LYRM7: variants seen among roughly 807,000 people sequenced by gnomAD.
LYRM7 encodes complex III assembly factor LYRM7.
In LYRM7, 9 loss-of-function variants were observed where a neutral mutation model predicts 15.8. The observed-to-expected ratio is 0.57, with a 90% confidence interval of 0.34 to 0.99. The LOEUF is 0.99. Among genes scored for constraint, LYRM7 ranks in the 50% least tolerant of loss-of-function variants. The probability of loss-of-function intolerance (pLI) is 0.02; values close to 1 mark genes in which losing one functional copy is unlikely to be tolerated. For synonymous variants in LYRM7, 39 were observed against 39.4 expected (o/e 0.99, Z 0.04); for missense variants, 115 against 119.1 (o/e 0.97, Z 0.16).
chr5:131,198,885 TAA>T (rs1756014331), intron 4 of LYRM7, among the ~76,000 whole-genome samples: 1 of 152,122 alleles, frequency 6.6e-6, no homozygotes, highest in South Asian at 2.1e-4. Context: ...ATTTGTATCT[TAA>T]GAGCTTTATC....
chr5:131,194,871 C>G (rs1487769705), intron 4 of LYRM7, among the ~76,000 whole-genome samples: 1 of 152,194 alleles, frequency 6.6e-6, no homozygotes, highest in Non-Finnish European at 1.5e-5. Context: ...TGTTTAATGC[C>G]TTTCCAGCTT....
chr5:131,188,927 A>G (rs1342271552), intron 4 of LYRM7, among the ~76,000 whole-genome samples: 3 of 151,962 alleles, frequency 2.0e-5, no homozygotes, highest in African/African-American at 7.3e-5. Context: ...CGGGTGGATC[A>G]CTTGAGGTCA....
At chr5:131,180,259 A>G (rs963308494) in intron 2 of LYRM7, 92 bp downstream of exon 2, 1 of 780,944 alleles carries the variant, frequency 1.3e-6, no homozygotes, top group African/African-American at 1.8e-5. Flanking sequence ...GACCCATTTT[A>G]GGGAATGACC....
At chr5:131,198,291 A>G (rs1054418618) in intron 4 of LYRM7, among the ~76,000 whole-genome samples, 2 of 152,170 alleles carry the variant, frequency 1.3e-5, no homozygotes, top group African/African-American at 4.8e-5. Context: ...ATTTGTCCTA[A>G]TAATGTATTT....
At chr5:131,184,649 G>T (rs1036986212) in intron 3 of LYRM7, among the ~76,000 whole-genome samples, 3 of 120,696 alleles carry the variant, frequency 2.5e-5, no homozygotes, top group East Asian at 1.9e-4. Flanking sequence ...GCGGGGGGGG[G>T]GTTCCAGGAT....
chr5:131,182,252 G>A lies in LYRM7; in HGVS notation c.115G>A (p.Glu39Lys). Residue 39 changes from glutamate (E) to lysine (K), a missense_variant, in exon 3 of 5, where the codon GAA (glutamate) becomes AAA (lysine). Coordinates refer to ENST00000379380, the MANE Select transcript of LYRM7 (RefSeq NM_181705.4). ...AGCAGCCAGAATAAAGATAAATGAA[G>A]AATTCAAAAATAATAAAAGTGAAAC... The part of the protein sequence containing the change: ...LEAARIKINE[E>K]FKNNKSETSS... 2.1e-6 allele frequency: 3 copies of A among 1,434,042 alleles called. No individual in the cohort carries two copies. Among genetic ancestry groups the A allele is most frequent in the East Asian group, 2.5e-5 (1 of 39,784 alleles). 88.8% of individuals were successfully genotyped at this position (1,434,042 alleles called of 1,614,324 possible). A position where few individuals can be genotyped will look rare whatever the true frequency, so the allele number is the denominator to read the frequency against.
At chr5:131,195,389 C>T (rs1207329595) in intron 4 of LYRM7, among the ~76,000 whole-genome samples, 1 of 152,182 alleles carries the variant, frequency 6.6e-6, no homozygotes, top group African/African-American at 2.4e-5. Context: ...ATTCTGTCTA[C>T]AGCCTAGAGT....
chr5:131,180,023 C>A, intron 1 of LYRM7, 72 bp from the exon 2 acceptor site: 1 of 1,016,062 alleles, frequency 9.8e-7, no homozygotes, highest in Non-Finnish European at 1.5e-6. Flanking sequence ...CCTGCTACCT[C>A]AACTTCCCAA....
At chr5:131,193,041 T>G (rs925652939) in intron 4 of LYRM7, among the ~76,000 whole-genome samples, 12 of 152,210 alleles carry the variant, frequency 7.9e-5, no homozygotes, top group African/African-American at 2.7e-4. Context: ...GGATCCATAT[T>G]TTTTAACTTC....
intron 4 of LYRM7, among the ~76,000 whole-genome samples, chr5:131,199,252 T>C (rs954892876): frequency 2.0e-5 from 3 of 152,198 alleles, no homozygotes; most frequent in Non-Finnish European, 4.4e-5. Flanking sequence ...ATAATAGAAG[T>C]TTTAGCTGAA....
rs1756043639 is a variant in LYRM7, at chr5:131,200,491, GT to G, written c.*893del. 1 of 152,326 alleles carries G rather than the reference GT, an allele frequency of 6.6e-6. No homozygotes were observed. The highest frequency in any genetic ancestry group is 2.4e-5 in the African/African-American group (1 of 41,442). 9.4% of individuals were successfully genotyped at this position (152,326 alleles called of 1,614,324 possible). A position where few individuals can be genotyped will look rare whatever the true frequency, so the allele number is the denominator to read the frequency against. ...CTAACACTAGGAACTGTAAAATACT[GT>G]TTAATATTCTTCTTGTTTCTCTTTT... is the stretch of plus-strand genomic sequence containing the variant. On this transcript the variant is annotated 3_prime_UTR_variant, in exon 5 of 5. Transcript: ENST00000379380.
chr5:131,179,473 CTT>C (rs67464966), intron 1 of LYRM7, among the ~76,000 whole-genome samples: 22 of 73,174 alleles, frequency 3.0e-4, no homozygotes, highest in African/African-American at 8.6e-4. Context: ...TTTTTTTTTT[CTT>C]TTTTTTTTTT....
intron 1 of LYRM7, chr5:131,171,745 A>G (rs1755526074): frequency 6.6e-6 from 1 of 152,212 alleles, no homozygotes; most frequent in Admixed American, 6.5e-5. Context: ...TGAAACATAA[A>G]CATGAGGAAA....
At chr5:131,197,064 G>GTA (rs1277326087) in intron 4 of LYRM7, among the ~76,000 whole-genome samples, 1 of 152,108 alleles carries the variant, frequency 6.6e-6, no homozygotes, top group Non-Finnish European at 1.5e-5. Context: ...AGTGATATGG[G>GTA]TATATTTAAC....
chr5:131,205,339 T>C lies in LYRM7; in HGVS notation c.*5738T>C, dbSNP rs1747243088. ...CAACTTTTCATCATACATTAGGTTTTGGCGATTTAGCCATAATTTGGCATG... is the reference window on the plus strand; with the variant it reads ...CAACTTTTCATCATACATTAGGTTTCGGCGATTTAGCCATAATTTGGCATG... On this transcript the variant is annotated 3_prime_UTR_variant, in exon 5 of 5. Coordinates refer to ENST00000379380, the MANE Select transcript of LYRM7 (RefSeq NM_181705.4). 1 of 152,260 alleles carries C rather than the reference T, an allele frequency of 6.6e-6. No homozygotes were observed. The highest frequency in any genetic ancestry group is 1.5e-5 in the Non-Finnish European group (1 of 68,046). The allele number at this position is 152,260 out of a possible 1,614,324, so 9.4% of individuals were successfully genotyped here.
intron 3 of LYRM7, among the ~76,000 whole-genome samples, chr5:131,183,212 G>C (rs1162874861): frequency 2.6e-5 from 4 of 152,016 alleles, no homozygotes; most frequent in Non-Finnish European, 4.4e-5. Context: ...GAGCTCATGA[G>C]ACAAAATGAG....
intron 1 of LYRM7, among the ~76,000 whole-genome samples, chr5:131,176,929 A>G (rs554936362): frequency 6.6e-5 from 10 of 151,970 alleles, no homozygotes; most frequent in Non-Finnish European, 1.2e-4. Context: ...TATACACCAC[A>G]TTTTCTCATT....
intron 4 of LYRM7, among the ~76,000 whole-genome samples, chr5:131,190,507 T>G (rs1755868992): frequency 6.6e-6 from 1 of 151,478 alleles, no homozygotes; most frequent in African/African-American, 2.4e-5. Flanking sequence ...TTTTTTTCTT[T>G]GAAACGGATT....
At chr5:131,177,412 T>G (rs951191647) in intron 1 of LYRM7, among the ~76,000 whole-genome samples, 4 of 152,222 alleles carry the variant, frequency 2.6e-5, no homozygotes, top group African/African-American at 9.6e-5. Context: ...TCTGTAGCTT[T>G]CCAATAAAGT....
Sources: gnomAD v4.1 joint callset for allele counts (sites outside exome capture counted in the v4.1 genomes callset) on GRCh38, gnomAD v4.1.1 for gene constraint, MANE v1.5 for transcripts, NCBI Gene and HGNC (gene_info 2026-07-23, HGNC 2026-07-21) for gene names.